Variants in GMDS observed in about 807,000 individuals in gnomAD.
GMDS encodes the protein GDP-mannose 4,6-dehydratase.
Under a neutral mutation model 49.9 loss-of-function variants are expected in GMDS, and 20 were observed. The observed-to-expected ratio is 0.40, with a 90% CI of 0.28 to 0.58. GMDS has a LOEUF of 0.58. Ranked by LOEUF, GMDS falls within the 20% of genes least tolerant of loss-of-function variation. The pLI is 0.42. For missense variants in GMDS, 362 were observed against 481.4 expected (o/e 0.75, Z 2.32); for synonymous variants, 177 against 178.6 (o/e 0.99, Z 0.07).
chr6:1,995,430 T>C (rs968452653), intron 4 of GMDS, among the ~76,000 whole-genome samples: 1 of 152,132 alleles, frequency 6.6e-6, no homozygotes, highest in African/African-American at 2.4e-5. Flanking sequence ...CCAACACACT[T>C]AGGGATTCTA....
chr6:1,833,007 T>G lies in GMDS; in HGVS notation c.772-90421A>C, dbSNP rs1428689132. Among the ~76,000 whole-genome samples the G allele has an allele frequency of 2.0e-5, 3 of 152,134 alleles. No individual in the cohort carries two copies. The highest frequency in any genetic ancestry group is 4.4e-5 in the Non-Finnish European group (3 of 68,026). ...GGCTACTGAAGATCATTAGTAGCAC[T>G]GAGTGCAACCACTGTCAGTTTTGTG... is the stretch of plus-strand genomic sequence containing the variant. On this transcript the variant is annotated intron_variant, in intron 7 of 10. Coordinates refer to ENST00000380815, the MANE Select transcript of GMDS (RefSeq NM_001500.4). This position sits in a 1 kb window ranked among gnomAD's most constrained non-coding sequence, Gnocchi z 4.4.
intron 7 of GMDS, among the ~76,000 whole-genome samples, chr6:1,909,552 G>A (rs1250169287): frequency 6.6e-6 from 1 of 152,178 alleles, no homozygotes; most frequent in Admixed American, 6.5e-5. Context: ...AGTCACTGAG[G>A]GTGATTCTTG....
At chr6:2,205,304 T>C (rs1004734262) in intron 1 of GMDS, among the ~76,000 whole-genome samples, 5 of 152,182 alleles carry the variant, frequency 3.3e-5, no homozygotes, top group African/African-American at 1.2e-4. Flanking sequence ...AAGTTCACCA[T>C]TAGTTGCATA....
intron 7 of GMDS, among the ~76,000 whole-genome samples, chr6:1,862,792 A>G (rs1758254500): frequency 6.6e-6 from 1 of 152,226 alleles, no homozygotes; most frequent in African/African-American, 2.4e-5. Flanking sequence ...GAATAAAATA[A>G]TGGGGATAAC....
At chr6:1,694,187 C>T (rs536302870) in intron 9 of GMDS, among the ~76,000 whole-genome samples, 8 of 152,198 alleles carry the variant, frequency 5.3e-5, no homozygotes, top group East Asian at 1.9e-4. Context: ...TACTATGCTA[C>T]GGATTGTAAG....
chr6:1,749,196 G>C (rs1194946519), intron 7 of GMDS, among the ~76,000 whole-genome samples: 1 of 152,198 alleles, frequency 6.6e-6, no homozygotes, highest in African/African-American at 2.4e-5. Context: ...TTGTAGGGCT[G>C]CCCTGGTGCT....
At position 1,983,173 on chromosome 6, in the gene GMDS, C is replaced by T. The variant is rs373365370; in HGVS notation, c.346-22207G>A. Among the ~76,000 whole-genome samples the T allele has an allele frequency of 2.4e-4, 36 of 152,254 alleles. No individual in the cohort carries two copies. In the South Asian group the frequency reaches 6.2e-3, roughly 26 times the overall value. ...AATGGTGATGAGAGAACTTGCTAGCCGTATGCAGAAAACTGAAACTGGATT... is the reference window on the plus strand; with the variant it reads ...AATGGTGATGAGAGAACTTGCTAGCTGTATGCAGAAAACTGAAACTGGATT... On this transcript the variant is annotated intron_variant, in intron 4 of 10. Coordinates refer to ENST00000380815, the MANE Select transcript of GMDS (RefSeq NM_001500.4).
At chr6:1,628,095 G>A (rs571187868) in intron 9 of GMDS, among the ~76,000 whole-genome samples, 1 of 152,326 alleles carries the variant, frequency 6.6e-6, no homozygotes, top group African/African-American at 2.4e-5. Flanking sequence ...TTACAGAGCT[G>A]CAAACAGCAG....
At chr6:2,165,602 C>A (rs1777624987) in intron 1 of GMDS, among the ~76,000 whole-genome samples, 1 of 152,206 alleles carries the variant, frequency 6.6e-6, no homozygotes. Flanking sequence ...GAATGTCTGA[C>A]CAAATGTCAG....
At chr6:1,906,748 A>C (rs1006332783) in intron 7 of GMDS, among the ~76,000 whole-genome samples, 2 of 152,162 alleles carry the variant, frequency 1.3e-5, no homozygotes, top group East Asian at 3.9e-4. Flanking sequence ...AGGGAGGACA[A>C]GGAAAGGAGT....
intron 8 of GMDS, among the ~76,000 whole-genome samples, chr6:1,732,939 T>A (rs1008391153): frequency 1.3e-5 from 2 of 152,084 alleles, no homozygotes; most frequent in Non-Finnish European, 2.9e-5. Flanking sequence ...ACAAACCCCC[T>A]CCCCGCAGGC....
chr6:1,708,935 C>T (rs1319684885), intron 9 of GMDS, among the ~76,000 whole-genome samples: 1 of 152,160 alleles, frequency 6.6e-6, no homozygotes, highest in Non-Finnish European at 1.5e-5. Context: ...TCAGTTGGGC[C>T]CTGACCCTTC....
intron 9 of GMDS, among the ~76,000 whole-genome samples, chr6:1,665,791 C>T (rs757615686): frequency 6.6e-5 from 10 of 152,184 alleles, no homozygotes; most frequent in Non-Finnish European, 1.2e-4. Flanking sequence ...CCTAGAAAAA[C>T]AGGGTCTGTG....
chr6:1,658,550 A>G (rs1177993346), intron 9 of GMDS, among the ~76,000 whole-genome samples: 3 of 152,382 alleles, frequency 2.0e-5, no homozygotes, highest in African/African-American at 7.2e-5. Flanking sequence ...CACTCAGTTG[A>G]ATGAAAAGAA....
intron 6 of GMDS, among the ~76,000 whole-genome samples, chr6:1,940,004 T>C (rs772745250): frequency 4.6e-5 from 7 of 152,182 alleles, no homozygotes; most frequent in Non-Finnish European, 8.8e-5. Context: ...TGACACCCTC[T>C]GATGATGCCG....
At chr6:1,865,028 G>A (rs921912684) in intron 7 of GMDS, among the ~76,000 whole-genome samples, 8 of 152,092 alleles carry the variant, frequency 5.3e-5, no homozygotes, top group African/African-American at 1.4e-4. Context: ...TTTTATTGCC[G>A]GAGCTTAGAA....
rs115963247 is a variant in GMDS, at chr6:2,052,374, C to T, written c.345+63397G>A. On this transcript the variant is annotated intron_variant, in intron 4 of 10. Transcript: ENST00000380815. ...CTGTATTTTCTGATATTTAAGACTTCGGAAAAGAAGTTATCTCTAAGCTGA... is the reference window on the plus strand; with the variant it reads ...CTGTATTTTCTGATATTTAAGACTTTGGAAAAGAAGTTATCTCTAAGCTGA... Among the ~76,000 whole-genome samples, 393 of 152,138 alleles carry T rather than the reference C, an allele frequency of 2.6e-3. 3 individuals carry two copies. The highest frequency in any genetic ancestry group is 9.2e-3 in the African/African-American group (381 of 41,490).
intron 7 of GMDS, among the ~76,000 whole-genome samples, chr6:1,812,506 C>A (rs1018137899): frequency 1.7e-4 from 26 of 149,706 alleles, no homozygotes; most frequent in Non-Finnish European, 3.8e-4. Flanking sequence ...GAAGAAAGGG[C>A]AGAGGAAAGA....
chr6:1,805,236 T>C (rs991261251), intron 7 of GMDS, among the ~76,000 whole-genome samples: 2 of 152,214 alleles, frequency 1.3e-5, no homozygotes, highest in African/African-American at 4.8e-5. Flanking sequence ...GGGTCTGACA[T>C]TTATGCTTTA....
Sources: allele counts gnomAD v4.1 joint callset (sites outside exome capture counted in the v4.1 genomes callset), GRCh38; gene constraint gnomAD v4.1.1; non-coding constraint Gnocchi (gnomAD v3.1); transcripts MANE v1.5; gene names NCBI Gene and HGNC (gene_info 2026-07-23, HGNC 2026-07-21).